The following XNDC1N variants were observed in gnomAD, a reference collection of about 807,000 sequenced individuals.
XNDC1N encodes the protein XRCC1 N-terminal domain containing 1, N-terminal like.
the XNDC1N span, among the ~76,000 whole-genome samples, chr11:71,875,517 A>T: frequency 2.6e-5 from 4 of 152,188 alleles, no homozygotes; most frequent in Admixed American, 2.6e-4. Flanking sequence ...TTCAATGGAA[A>T]GCTGAGGGAA....
At chr11:71,870,736 A>G in the XNDC1N span, among the ~76,000 whole-genome samples, 6 of 152,228 alleles carry the variant, frequency 3.9e-5, no homozygotes, top group African/African-American at 1.2e-4. Context: ...GTGAATAGAC[A>G]TTTCTCAAAG....
the XNDC1N span, among the ~76,000 whole-genome samples, chr11:71,874,176 G>A: frequency 6.6e-6 from 1 of 152,124 alleles, no homozygotes; most frequent in Non-Finnish European, 1.5e-5. Context: ...AAAATTAGCT[G>A]AGAATTGGTA....
At chr11:71,900,501 G>A in the XNDC1N span, among the ~76,000 whole-genome samples, 1 of 152,154 alleles carries the variant, frequency 6.6e-6, no homozygotes, top group African/African-American at 2.4e-5. Flanking sequence ...TCAGCAGACT[G>A]TGCAGTTTCT....
chr11:71,878,661 A>T, the XNDC1N span, among the ~76,000 whole-genome samples: 2 of 152,212 alleles, frequency 1.3e-5, no homozygotes, highest in Admixed American at 6.5e-5. Flanking sequence ...ATACTAAAGA[A>T]ATAAATAAGG....
At chr11:71,881,120 T>A in the XNDC1N span, among the ~76,000 whole-genome samples, 1 of 152,208 alleles carries the variant, frequency 6.6e-6, no homozygotes, top group Admixed American at 6.5e-5. Context: ...ATTGAAGCCC[T>A]CAGTTATCAT....
the XNDC1N span, among the ~76,000 whole-genome samples, chr11:71,919,217 T>A: frequency 6.6e-6 from 1 of 152,140 alleles, no homozygotes; most frequent in Non-Finnish European, 1.5e-5. Flanking sequence ...TTTTTCTCTA[T>A]CCCATTTACC....
At chr11:71,885,495 C>A in the XNDC1N span, among the ~76,000 whole-genome samples, 1 of 152,156 alleles carries the variant, frequency 6.6e-6, no homozygotes, top group African/African-American at 2.4e-5. Flanking sequence ...GGTGGATGCA[C>A]ACCCAGTGCT....
the XNDC1N span, chr11:71,865,824 GC>G: frequency 8.5e-5 from 38 of 446,462 alleles, no homozygotes; most frequent in Admixed American, 5.7e-4. Flanking sequence ...ATGTTTAGCA[GC>G]CTCTCTTGCC....
chr11:71,903,924 C>T, the XNDC1N span: 1 of 454,572 alleles, frequency 2.2e-6, no homozygotes, highest in African/African-American at 2.0e-5. Flanking sequence ...GTGGGTCTCA[C>T]CTGTCAGTTG....
At chr11:71,903,650 CTTT>C in the XNDC1N span, 209 of 345,798 alleles carry the variant, frequency 6.0e-4, no homozygotes, top group Non-Finnish European at 7.9e-4. Flanking sequence ...TTTTTTTTTT[CTTT>C]TTTTTTTTTT....
chr11:71,875,626 A>G, the XNDC1N span, among the ~76,000 whole-genome samples: 8 of 152,172 alleles, frequency 5.3e-5, no homozygotes, highest in East Asian at 1.5e-3. Context: ...AAAAGCATTC[A>G]TTAAAAAAAA....
the XNDC1N span, chr11:71,917,643 G>A: frequency 5.3e-5 from 37 of 703,320 alleles, no homozygotes; most frequent in African/African-American, 3.3e-4. Context: ...TGCGGACCCC[G>A]GAGCGGTTCT....
At chr11:71,912,930 A>T in the XNDC1N span, among the ~76,000 whole-genome samples, 1 of 152,124 alleles carries the variant, frequency 6.6e-6, no homozygotes, top group Admixed American at 6.6e-5. Context: ...ATTGGGAACA[A>T]CATCACAAGT....
At chr11:71,870,185 A>T in the XNDC1N span, among the ~76,000 whole-genome samples, 1 of 152,182 alleles carries the variant, frequency 6.6e-6, no homozygotes, top group Non-Finnish European at 1.5e-5. Context: ...ATGGGGATTT[A>T]TTCAAGGTGA....
the XNDC1N span, among the ~76,000 whole-genome samples, chr11:71,893,177 G>T: frequency 2.6e-5 from 4 of 152,166 alleles, no homozygotes; most frequent in Non-Finnish European, 5.9e-5. Context: ...AGAGTAGGCC[G>T]TATTTTACTG....
chr11:71,905,451 G>A, the XNDC1N span, among the ~76,000 whole-genome samples: 1 of 151,374 alleles, frequency 6.6e-6, no homozygotes, highest in African/African-American at 2.4e-5. Context: ...ATATAACAGG[G>A]TGTACAACCC....
chr11:71,888,026 G>A, the XNDC1N span, among the ~76,000 whole-genome samples: 1 of 152,160 alleles, frequency 6.6e-6, no homozygotes, highest in Non-Finnish European at 1.5e-5. Context: ...GGAGGCGTGG[G>A]CTCGAGACCT....
the XNDC1N span, among the ~76,000 whole-genome samples, chr11:71,906,210 T>A: frequency 1.3e-5 from 2 of 151,564 alleles, no homozygotes; most frequent in East Asian, 1.9e-4. Context: ...ATTAGGAGAA[T>A]CATCTCATCA....
the XNDC1N span, among the ~76,000 whole-genome samples, chr11:71,881,685 T>C: frequency 6.6e-6 from 1 of 152,176 alleles, no homozygotes; most frequent in East Asian, 1.9e-4. Flanking sequence ...TACTAAAGAT[T>C]GGGACTTTAA....
Sources: allele counts gnomAD v4.1 joint callset (sites outside exome capture counted in the v4.1 genomes callset), GRCh38; gene constraint gnomAD v4.1.1; transcripts MANE v1.5; gene names NCBI Gene and HGNC (gene_info 2026-07-23, HGNC 2026-07-21).